Variants in FGGY observed in about 807,000 individuals in gnomAD.
FGGY encodes FGGY carbohydrate kinase domain-containing protein.
In FGGY, 72 loss-of-function variants were observed where a neutral mutation model predicts 71.3. The ratio of observed to expected loss-of-function variants is 1.01; its 90% CI spans 0.84 to 1.23. The LOEUF is 1.23. Ranked by LOEUF, FGGY falls within the 50% of genes most tolerant of loss-of-function variation. The pLI, the probability that FGGY is intolerant of heterozygous loss-of-function variation, is 0.00. For synonymous variants in FGGY, 251 were observed against 250.3 expected, an observed-to-expected ratio of 1.00 and a Z score of -0.02; for missense variants, 668 against 682.3, an observed-to-expected ratio of 0.98 and a Z score of 0.23.
chr1:59,383,917 C>T (rs2059778716), intron 5 of FGGY, among the ~76,000 whole-genome samples: 1 of 152,174 alleles, frequency 6.6e-6, no homozygotes, highest in Admixed American at 6.5e-5. Context: ...ACCTTGAGCA[C>T]TTGCCATCAG....
chr1:59,611,141 G>A (rs1055875953), intron 9 of FGGY, among the ~76,000 whole-genome samples: 1 of 152,204 alleles, frequency 6.6e-6, no homozygotes, highest in African/African-American at 2.4e-5. Context: ...AAACGTCCCT[G>A]TCTGACAGCT....
At chr1:59,558,198 C>T (rs1269510189) in intron 8 of FGGY, among the ~76,000 whole-genome samples, 1 of 152,120 alleles carries the variant, frequency 6.6e-6, no homozygotes, top group Non-Finnish European at 1.5e-5. Flanking sequence ...GTACCTGGCA[C>T]AAAATACCAA....
At chr1:59,379,910 A>G (rs113509901) in intron 5 of FGGY, among the ~76,000 whole-genome samples, 4,286 of 151,940 alleles carry the variant, frequency 0.028, 135 homozygotes, top group African/African-American at 0.078. Flanking sequence ...TTAACTCGTC[A>G]TTTACATGAG....
chr1:59,306,299 G>A (rs1048153890), intron 1 of FGGY, among the ~76,000 whole-genome samples: 1 of 152,118 alleles, frequency 6.6e-6, no homozygotes, highest in Non-Finnish European at 1.5e-5. Context: ...TAATAAAGGG[G>A]AACTTTTACC....
At chr1:59,630,167 A>G (rs1243254652) in intron 10 of FGGY, among the ~76,000 whole-genome samples, 1 of 152,158 alleles carries the variant, frequency 6.6e-6, no homozygotes. Context: ...CACTATCACA[A>G]GAACAGCATG....
chr1:59,491,811 A>T (rs557912427), intron 6 of FGGY, among the ~76,000 whole-genome samples: 2 of 152,230 alleles, frequency 1.3e-5, no homozygotes, highest in East Asian at 3.9e-4. Context: ...GCCCAATAAG[A>T]TATGAATATT....
At chr1:59,718,576 A>G (rs142420651) in intron 14 of FGGY, among the ~76,000 whole-genome samples, 2,228 of 152,314 alleles carry the variant, frequency 0.015, 27 homozygotes, top group Non-Finnish European at 0.02. Context: ...CCAGTGGCAT[A>G]GCAGGCACAC....
intron 11 of FGGY, among the ~76,000 whole-genome samples, chr1:59,644,748 C>T (rs552466566): frequency 6.8e-4 from 103 of 152,096 alleles, no homozygotes; most frequent in Non-Finnish European, 1.3e-3. Flanking sequence ...GAGGCCGAGG[C>T]GGGTGGATCA....
intron 2 of FGGY, among the ~76,000 whole-genome samples, chr1:59,326,430 C>T (rs1371273787): frequency 6.6e-6 from 1 of 152,130 alleles, no homozygotes; most frequent in East Asian, 1.9e-4. Flanking sequence ...TTCATAGAAC[C>T]ATTATAGTTT....
intron 14 of FGGY, among the ~76,000 whole-genome samples, chr1:59,675,733 G>A (rs1008393626): frequency 2.0e-5 from 3 of 152,138 alleles, no homozygotes; most frequent in African/African-American, 7.2e-5. Context: ...TGCCCTTCCT[G>A]CGGCAAATTA....
chr1:59,420,032 G>A (rs933138011), intron 5 of FGGY, among the ~76,000 whole-genome samples: 9 of 152,172 alleles, frequency 5.9e-5, no homozygotes, highest in Non-Finnish European at 1.2e-4. Context: ...ATTCTGTGAC[G>A]ATGCTCTTCA....
chr1:59,471,459 T>C (rs1298765093), intron 6 of FGGY, among the ~76,000 whole-genome samples: 2 of 152,230 alleles, frequency 1.3e-5, no homozygotes, highest in African/African-American at 4.8e-5. Context: ...CTTTTGCCTG[T>C]CACCCTGAGC....
rs56724590 is a variant in FGGY at position 59,568,464 on chromosome 1, CG to C, written c.903+14246del. Among the ~76,000 whole-genome samples, 364 of 59,410 alleles carry C rather than the reference CG, an allele frequency of 6.1e-3. 3 individuals are homozygous for C. The highest frequency in any genetic ancestry group is 0.028 in the Middle Eastern group (3 of 108). 39.0% of individuals were successfully genotyped at this position (59,410 alleles called of 152,430 possible). The stretch of plus-strand genomic sequence containing the variant: ...CCAGCAAATTCTATGGTCGGGGGGG[CG>C]GGGGGGGGTGTTCTTATTGTATTAC... On this transcript the variant is annotated intron_variant, in intron 8 of 15. Transcript: ENST00000303721.
At chr1:59,559,054 T>C (rs964068399) in intron 8 of FGGY, among the ~76,000 whole-genome samples, 2 of 152,190 alleles carry the variant, frequency 1.3e-5, no homozygotes, top group African/African-American at 4.8e-5. Flanking sequence ...CCAGGTGCAC[T>C]GATTTCATAT....
At chr1:59,753,513 T>TATATATATA (rs2098264898) in intron 14 of FGGY, among the ~76,000 whole-genome samples, 4 of 118,600 alleles carry the variant, frequency 3.4e-5, no homozygotes, top group African/African-American at 6.4e-5. Context: ...TATATATATA[T>TATATATATA]GGCATTACAT....
At chr1:59,590,676 A>G (rs1394026464) in intron 8 of FGGY, among the ~76,000 whole-genome samples, 2 of 152,242 alleles carry the variant, frequency 1.3e-5, no homozygotes, top group Non-Finnish European at 2.9e-5. Context: ...AAACAGAACC[A>G]AAGGAAAAAA....
chr1:59,368,378 G>A (rs1169122956), intron 4 of FGGY, among the ~76,000 whole-genome samples: 1 of 152,192 alleles, frequency 6.6e-6, no homozygotes, highest in Non-Finnish European at 1.5e-5. Flanking sequence ...TGATTGGACT[G>A]GGAGGTTCAG....
chr1:59,706,497 C>G (rs975047031), intron 14 of FGGY, among the ~76,000 whole-genome samples: 54 of 152,308 alleles, frequency 3.5e-4, no homozygotes, highest in African/African-American at 1.3e-3. Flanking sequence ...TTGGGCTTCT[C>G]ATTTCACAGC....
At chr1:59,540,533 C>T (rs1015540752) in intron 7 of FGGY, among the ~76,000 whole-genome samples, 2 of 152,072 alleles carry the variant, frequency 1.3e-5, no homozygotes, top group Non-Finnish European at 2.9e-5. Context: ...GACATCTGGA[C>T]AGTGGTTATC....
Sources: gnomAD v4.1 joint callset for allele counts (sites outside exome capture counted in the v4.1 genomes callset) on GRCh38, gnomAD v4.1.1 for gene constraint, MANE v1.5 for transcripts, NCBI Gene and HGNC (gene_info 2026-07-23, HGNC 2026-07-21) for gene names.